Variants in TENM4 observed in about 807,000 individuals in gnomAD.
TENM4 encodes the protein teneurin transmembrane protein 4, also known as teneurin-4.
A neutral mutation model predicts 243.3 loss-of-function variants in TENM4; 82 were observed. That is an observed-to-expected ratio of 0.34 (90% confidence interval 0.28 to 0.40). TENM4 has a LOEUF of 0.40. Ranked by LOEUF, TENM4 falls within the 10% of genes least tolerant of loss-of-function variation. TENM4 has a pLI of 1.00. For synonymous variants in TENM4, 1,412 were observed against 1,456.3 expected (o/e 0.97, Z 0.69); for missense variants, 3,138 against 3,673.3 (o/e 0.85, Z 3.77).
At chr11:79,146,165 A>C (rs962576193) in intron 4 of TENM4, among the ~76,000 whole-genome samples, 11 of 152,060 alleles carry the variant, frequency 7.2e-5, no homozygotes, top group African/African-American at 2.7e-4. Context: ...ACTGGACTAC[A>C]ACCCACAATT....
At chr11:79,098,230 C>T (rs924888552) in intron 4 of TENM4, among the ~76,000 whole-genome samples, 1 of 140,258 alleles carries the variant, frequency 7.1e-6, no homozygotes, top group Non-Finnish European at 1.6e-5. Context: ...CACCCCCCCC[C>T]ATCTCCCAGC....
chr11:79,027,282 G>A (rs181464147), intron 6 of TENM4, among the ~76,000 whole-genome samples: 16 of 152,286 alleles, frequency 1.1e-4, no homozygotes, highest in African/African-American at 3.6e-4. Context: ...AAAGATTCAC[G>A]CAGTCACCAA....
chr11:79,044,930 T>C (rs1859622667), intron 6 of TENM4, among the ~76,000 whole-genome samples: 1 of 152,084 alleles, frequency 6.6e-6, no homozygotes, highest in African/African-American at 2.4e-5. Context: ...TAAAGTATGT[T>C]TATTATAGAA....
intron 6 of TENM4, among the ~76,000 whole-genome samples, chr11:78,906,501 C>T (rs1856065771): frequency 2.0e-5 from 3 of 152,202 alleles, no homozygotes; most frequent in Admixed American, 1.3e-4. Flanking sequence ...TTCAGGAGAA[C>T]TGTCAAAAGT....
At chr11:79,418,140 TATTATA>T (rs1858858119) in intron 1 of TENM4, among the ~76,000 whole-genome samples, 1 of 21,450 alleles carries the variant, frequency 4.7e-5, no homozygotes, top group Non-Finnish European at 1.1e-4. Flanking sequence ...ATAAATTATA[TATTATA>T]TATGATACAA....
intron 28 of TENM4, 67 bp downstream of exon 28, chr11:78,701,459 A>G (rs1859100671): frequency 1.3e-6 from 2 of 1,482,226 alleles, no homozygotes; most frequent in Admixed American, 2.5e-5. Context: ...TACTCGATCA[A>G]TTTACCTCCA....
chr11:78,883,309 A>G (rs1855475748), intron 9 of TENM4, among the ~76,000 whole-genome samples: 1 of 152,180 alleles, frequency 6.6e-6, no homozygotes, highest in Non-Finnish European at 1.5e-5. Context: ...TATGAAAGTA[A>G]TACTATTATT....
rs545362859 is a variant in TENM4 at position 79,105,797 on chromosome 11, A to G, written c.-65-35788T>C. Among the ~76,000 whole-genome samples the G allele has an allele frequency of 5.9e-5, 9 of 152,384 alleles. No individual in the cohort carries two copies. The East Asian group carries it at 1.7e-3, about 29-fold the overall frequency. ...CTGACTCTGAGCAGCAGTTTGCAAG[A>G]GCAAGGTAACAGTGTTGCTGGCTGG... On this transcript the variant is annotated intron_variant, in intron 4 of 33. Coordinates refer to ENST00000278550, the MANE Select transcript of TENM4 (RefSeq NM_001098816.3).
intron 12 of TENM4, among the ~76,000 whole-genome samples, chr11:78,827,591 G>T (rs1221667620): frequency 1.3e-5 from 2 of 152,040 alleles, no homozygotes; most frequent in African/African-American, 2.4e-5. Context: ...CCGGGTTCAA[G>T]CAATTCTCCT....
chr11:79,360,840 T>C (rs1454446498), intron 1 of TENM4, among the ~76,000 whole-genome samples: 1 of 152,186 alleles, frequency 6.6e-6, no homozygotes, highest in African/African-American at 2.4e-5. Context: ...AAATGTGTTG[T>C]AGAAATATCA....
chr11:78,976,600 C>G (rs772203609), intron 6 of TENM4, among the ~76,000 whole-genome samples: 10 of 152,236 alleles, frequency 6.6e-5, no homozygotes, highest in Non-Finnish European at 1.3e-4. Context: ...TTGGGGAAAG[C>G]ACAAACATAA....
intron 29 of TENM4, among the ~76,000 whole-genome samples, chr11:78,684,289 C>G (rs1322761777): frequency 2.0e-5 from 3 of 152,246 alleles, no homozygotes; most frequent in East Asian, 1.9e-4. Context: ...AAATTCTTAA[C>G]CTTCCATGCC....
At chr11:79,045,413 G>A (rs997201729) in intron 6 of TENM4, among the ~76,000 whole-genome samples, 1 of 152,188 alleles carries the variant, frequency 6.6e-6, no homozygotes, top group African/African-American at 2.4e-5. Flanking sequence ...TCAGGAAGGG[G>A]CTTGGTGCAG....
At chr11:78,872,816 C>T (rs1292863193) in intron 9 of TENM4, among the ~76,000 whole-genome samples, 3 of 152,144 alleles carry the variant, frequency 2.0e-5, no homozygotes, top group African/African-American at 7.2e-5. Context: ...CTTTGGTGTG[C>T]CAGCCATGCA....
intron 6 of TENM4, among the ~76,000 whole-genome samples, chr11:78,908,512 A>G (rs1856114642): frequency 6.6e-6 from 1 of 152,152 alleles, no homozygotes; most frequent in Non-Finnish European, 1.5e-5. Flanking sequence ...AAAGCAAAAA[A>G]CCTTGAGAGA....
intron 4 of TENM4, among the ~76,000 whole-genome samples, chr11:79,086,139 C>T (rs1001859742): frequency 3.3e-5 from 5 of 152,224 alleles, no homozygotes; most frequent in Non-Finnish European, 7.3e-5. Flanking sequence ...ACATGACTTG[C>T]ATTGGCCAGT....
intron 4 of TENM4, among the ~76,000 whole-genome samples, chr11:79,137,271 T>G (rs1032204412): frequency 1.3e-5 from 2 of 152,136 alleles, no homozygotes; most frequent in African/African-American, 4.8e-5. Flanking sequence ...GTTACAGTGT[T>G]GGCTGGGGTG....
chr11:78,661,577 G>A lies in TENM4; in HGVS notation c.7423C>T (p.Leu2475=). ...TGTAGCTGGAATCCAAAGGTGAGCA[G>A]CCAGCTGTTAACATCTGGATGGGAG... is the stretch of plus-strand genomic sequence containing the variant. ...KCFMTDVNSW[L]LTFGFQLHNV... is the part of the protein sequence containing the mutation. The change falls in exon 33 of 34, where the codon CTG becomes TTG. Residue 2475 remains leucine, a synonymous_variant. Coordinates refer to ENST00000278550, the MANE Select transcript of TENM4 (RefSeq NM_001098816.3). 6.2e-7 allele frequency: 1 copy of A among 1,613,314 alleles called. No homozygotes were observed. The highest frequency in any genetic ancestry group is 8.5e-7 in the Non-Finnish European group (1 of 1,179,686).
chr11:78,985,736 A>T (rs932016033), intron 6 of TENM4, among the ~76,000 whole-genome samples: 1 of 151,736 alleles, frequency 6.6e-6, no homozygotes. Context: ...TGTTCTTTTT[A>T]AATTTTTTTT....
Sources: gnomAD v4.1 joint callset for allele counts (sites outside exome capture counted in the v4.1 genomes callset) on GRCh38, gnomAD v4.1.1 for gene constraint, MANE v1.5 for transcripts, NCBI Gene and HGNC (gene_info 2026-07-23, HGNC 2026-07-21) for gene names.